The following ANO4 variants were observed in gnomAD, a reference collection of about 807,000 sequenced individuals.
ANO4 encodes the protein anoctamin 4.
A neutral mutation model predicts 141.9 loss-of-function variants in ANO4; 69 were observed. The observed-to-expected ratio is 0.49, with a 90% CI of 0.40 to 0.59. The LOEUF is 0.59. Among genes scored for constraint, ANO4 ranks in the 20% least tolerant of loss-of-function variants. ANO4 has a pLI of 0.00. For missense variants in ANO4, 894 were observed against 1,162.2 expected (o/e 0.77, Z 3.36); for synonymous variants, 350 against 394.3 (o/e 0.89, Z 1.33).
At chr12:100,990,851 G>A (rs1351863971) in intron 8 of ANO4, among the ~76,000 whole-genome samples, 7 of 152,286 alleles carry the variant, frequency 4.6e-5, no homozygotes, top group South Asian at 2.1e-4. Flanking sequence ...AGACAGTAAC[G>A]TGTGTATAAA....
chr12:101,011,336 G>A (rs1021525424), intron 8 of ANO4, among the ~76,000 whole-genome samples: 18 of 57,962 alleles, frequency 3.1e-4, no homozygotes, highest in African/African-American at 4.8e-4. Context: ...TTTTTTTTTT[G>A]CAATCTACCA....
At chr12:100,771,019 A>G (rs893997124) in intron 3 of ANO4, among the ~76,000 whole-genome samples, 7 of 152,288 alleles carry the variant, frequency 4.6e-5, no homozygotes, top group South Asian at 2.1e-4. Flanking sequence ...TTCTTGTATC[A>G]TTGAATATGC....
At chr12:100,960,873 A>G (rs2043389443) in intron 5 of ANO4, among the ~76,000 whole-genome samples, 1 of 152,214 alleles carries the variant, frequency 6.6e-6, no homozygotes, top group Admixed American at 6.5e-5. Context: ...CTCATATACC[A>G]TCTAGAAGAG....
In ANO4 at chr12:100,971,290, C is replaced by A. The variant is rs1163840441; in HGVS notation, c.457-16C>A. On this transcript the variant is annotated splice_polypyrimidine_tract_variant and intron_variant, in intron 5 of 27. Coordinates refer to ENST00000392977, the MANE Select transcript of ANO4 (RefSeq NM_001286615.2). ...TTGAATATACTTTTCAATTTAGTTT[C>A]TTTTTTCTGTTTCAGTCCTCTCTAA... 25 of 1,569,014 alleles carry A rather than the reference C, an allele frequency of 1.6e-5. No individual in the cohort carries two copies. The Admixed American group carries it at 4.3e-4, about 27-fold the overall frequency.
intron 1 of ANO4, among the ~76,000 whole-genome samples, chr12:100,812,042 A>G (rs573287343): frequency 4.9e-5 from 1 of 20,296 alleles, no homozygotes; most frequent in South Asian, 1.3e-3. Context: ...ATATGTGTAC[A>G]CACACACACA....
chr12:100,743,077 G>C (rs2031943721), intron 3 of ANO4, among the ~76,000 whole-genome samples: 1 of 151,472 alleles, frequency 6.6e-6, no homozygotes, highest in Admixed American at 6.6e-5. Flanking sequence ...AAGTCCTTGG[G>C]AGAGAAAATT....
chr12:101,068,734 A>T, intron 14 of ANO4: 1 of 1,305,610 alleles, frequency 7.7e-7, no homozygotes, highest in Non-Finnish European at 1.1e-6. Context: ...ATCTCATAAA[A>T]ATGTTGCCGA....
At chr12:101,060,266 C>A (rs528015360) in intron 14 of ANO4, among the ~76,000 whole-genome samples, 1 of 152,276 alleles carries the variant, frequency 6.6e-6, no homozygotes, top group African/African-American at 2.4e-5. Context: ...GATTTCCGTT[C>A]TTTTGCATTT....
chr12:100,791,741 T>C (rs537627125), upstream of ANO4, among the ~76,000 whole-genome samples: 1 of 152,338 alleles, frequency 6.6e-6, no homozygotes, highest in Admixed American at 6.5e-5. Context: ...GTTCCAGTTG[T>C]TCCTACATTG....
intron 2 of ANO4, among the ~76,000 whole-genome samples, chr12:100,908,713 G>A (rs1232278405): frequency 1.3e-5 from 2 of 152,066 alleles, no homozygotes; most frequent in Non-Finnish European, 2.9e-5. Context: ...TAGCAGCTTG[G>A]ACAATTTAGT....
intron 14 of ANO4, among the ~76,000 whole-genome samples, chr12:101,062,354 A>G (rs955086855): frequency 2.0e-5 from 3 of 152,350 alleles, no homozygotes; most frequent in African/African-American, 7.2e-5. Flanking sequence ...GTCAGGAGGC[A>G]TGGGCATCAG....
chr12:100,810,207 G>A (rs77036761), intron 1 of ANO4, among the ~76,000 whole-genome samples: 5,913 of 151,888 alleles, frequency 0.039, 387 homozygotes, highest in African/African-American at 0.14. Flanking sequence ...CAGGACATGA[G>A]CTGGGGAGGG....
At chr12:100,826,860 C>CT (rs987770184) in intron 1 of ANO4, among the ~76,000 whole-genome samples, 2 of 151,944 alleles carry the variant, frequency 1.3e-5, no homozygotes, top group African/African-American at 4.8e-5. Flanking sequence ...TGACTCCACT[C>CT]TTTTTTTCAC....
chr12:100,845,590 T>G lies in ANO4; in HGVS notation c.-141+50563T>G, dbSNP rs553819323. Among the ~76,000 whole-genome samples, 213 of 152,288 alleles carry G rather than the reference T, an allele frequency of 1.4e-3. 1 individual carries two copies. The highest frequency in any genetic ancestry group is 2.7e-3 in the Non-Finnish European group (184 of 68,024). On this transcript the variant is annotated intron_variant, in intron 1 of 27. Transcript: ENST00000392977. Reference sequence around the variant, plus strand: ...TGTTTGCAATAGAGTCTTTTTATTGTCTATATGGTACATATGTCTGTATCT... The same window carrying G: ...TGTTTGCAATAGAGTCTTTTTATTGGCTATATGGTACATATGTCTGTATCT...
At chr12:101,103,021 A>C (rs2136975412) in intron 22 of ANO4, among the ~76,000 whole-genome samples, 1 of 151,384 alleles carries the variant, frequency 6.6e-6, no homozygotes, top group East Asian at 1.9e-4. Context: ...TGTTACTAAT[A>C]ATATACAGAA....
In ANO4 at chr12:101,019,475, G is replaced by A. The variant is rs58673283; in HGVS notation, c.735-559G>A. Among the ~76,000 whole-genome samples the A allele has an allele frequency of 1.7e-3, 253 of 152,196 alleles. 3 individuals are homozygous for A. In the South Asian group the frequency reaches 0.023, roughly 14 times the overall value. Reference sequence around the variant, plus strand: ...GCTGGGAGGCAAATCAATCTTAAGTGTGTGCTTTAGAAGAAAGATCCTATT... The same window carrying A: ...GCTGGGAGGCAAATCAATCTTAAGTATGTGCTTTAGAAGAAAGATCCTATT... On this transcript the variant is annotated intron_variant, in intron 8 of 27. Transcript: ENST00000392977.
chr12:100,953,776 T>C (rs1189512576), intron 5 of ANO4, among the ~76,000 whole-genome samples: 1 of 152,200 alleles, frequency 6.6e-6, no homozygotes, highest in Admixed American at 6.5e-5. Flanking sequence ...AACCCAACTC[T>C]CTAAAGCATT....
At chr12:100,765,614 G>T (rs1410430920) in intron 3 of ANO4, among the ~76,000 whole-genome samples, 1 of 149,464 alleles carries the variant, frequency 6.7e-6, no homozygotes, top group African/African-American at 2.5e-5. Context: ...GGGCTCAAGC[G>T]ATCTTTCCGC....
chr12:100,928,111 AT>A (rs2041945885), intron 3 of ANO4, among the ~76,000 whole-genome samples: 1 of 128,086 alleles, frequency 7.8e-6, no homozygotes, highest in Non-Finnish European at 1.6e-5. Context: ...TTCCAATTTT[AT>A]TTTTAACCTG....
Sources: gnomAD v4.1 joint callset for allele counts (sites outside exome capture counted in the v4.1 genomes callset) on GRCh38, gnomAD v4.1.1 for gene constraint, MANE v1.5 for transcripts, NCBI Gene and HGNC (gene_info 2026-07-23, HGNC 2026-07-21) for gene names.